The following RALGPS1 variants were observed in gnomAD, a reference collection of about 807,000 sequenced individuals.
The protein encoded by RALGPS1 is Ral GEF with PH domain and SH3 binding motif 1.
In RALGPS1, 19 loss-of-function variants were observed where a neutral mutation model predicts 78.8. That is an observed-to-expected ratio of 0.24 (90% confidence interval 0.17 to 0.35). The LOEUF is 0.35. RALGPS1 is among the 10% of genes least tolerant of loss of function. The pLI is 1.00. For synonymous variants in RALGPS1, 228 were observed against 256.3 expected (o/e 0.89, Z 1.06); for missense variants, 454 against 688.3 (o/e 0.66, Z 3.81).
chr9:127,164,300 A>G (rs1424317710), intron 8 of RALGPS1, among the ~76,000 whole-genome samples: 2 of 151,980 alleles, frequency 1.3e-5, no homozygotes, highest in South Asian at 4.2e-4. Flanking sequence ...CAGTGGCCCA[A>G]TCTCAGCTCA....
intron 4 of RALGPS1, among the ~76,000 whole-genome samples, chr9:126,999,916 G>C (rs955467229): frequency 3.3e-5 from 5 of 152,134 alleles, no homozygotes; most frequent in Non-Finnish European, 5.9e-5. Context: ...CAGTTTATCT[G>C]TTTCTTTTTT....
chr9:127,066,306 G>T (rs902752487), intron 7 of RALGPS1, among the ~76,000 whole-genome samples: 3 of 152,212 alleles, frequency 2.0e-5, no homozygotes. Flanking sequence ...AATAAAGAAT[G>T]ACCTCCTGAA....
intron 1 of RALGPS1, among the ~76,000 whole-genome samples, chr9:126,933,378 G>C (rs975816987): frequency 6.6e-6 from 1 of 152,088 alleles, no homozygotes; most frequent in Non-Finnish European, 1.5e-5. Flanking sequence ...TCGGGCAGGG[G>C]TTACTGAGTG....
intron 5 of RALGPS1, among the ~76,000 whole-genome samples, chr9:127,045,512 T>A (rs183404900): frequency 6.6e-6 from 1 of 152,092 alleles, no homozygotes; most frequent in East Asian, 1.9e-4. Context: ...TAGATGAATA[T>A]AAGAGAGTAT....
intron 4 of RALGPS1, among the ~76,000 whole-genome samples, chr9:126,993,833 C>T (rs1261443164): frequency 6.6e-6 from 1 of 152,144 alleles, no homozygotes; most frequent in African/African-American, 2.4e-5. Flanking sequence ...GACAAAACTT[C>T]CAGAGGAACG....
At chr9:127,203,594 G>A (rs2061765300) in intron 14 of RALGPS1, among the ~76,000 whole-genome samples, 1 of 152,086 alleles carries the variant, frequency 6.6e-6, no homozygotes. Flanking sequence ...GCAGGGTTGG[G>A]GGGCACAGTG....
At chr9:127,079,966 T>C (rs2051023617) in intron 8 of RALGPS1, 2 of 152,226 alleles carry the variant, frequency 1.3e-5, no homozygotes, top group Admixed American at 1.3e-4. Flanking sequence ...TGGGACAAAA[T>C]CAACTGTAAA....
chr9:127,058,034 T>C (rs1001333135), intron 7 of RALGPS1, among the ~76,000 whole-genome samples: 3 of 152,216 alleles, frequency 2.0e-5, no homozygotes, highest in Non-Finnish European at 4.4e-5. Context: ...ATTCAGGCCA[T>C]GTACTTTCAG....
At chr9:127,066,141 G>T (rs1389236865) in intron 7 of RALGPS1, among the ~76,000 whole-genome samples, 1 of 152,234 alleles carries the variant, frequency 6.6e-6, no homozygotes. Context: ...GCTGGGCATG[G>T]CAGGGAACAT....
chr9:127,075,841 C>G (rs2050627502), intron 8 of RALGPS1, among the ~76,000 whole-genome samples: 1 of 152,214 alleles, frequency 6.6e-6, no homozygotes, highest in Non-Finnish European at 1.5e-5. Context: ...GCTAACTGGT[C>G]TCCTGTGACT....
chr9:127,033,116 G>A (rs1425193757), intron 4 of RALGPS1, among the ~76,000 whole-genome samples: 1 of 152,194 alleles, frequency 6.6e-6, no homozygotes, highest in Admixed American at 6.5e-5. Context: ...TATTATTTGA[G>A]TCTAAGTTGT....
intron 7 of RALGPS1, among the ~76,000 whole-genome samples, chr9:127,054,666 G>A (rs894787770): frequency 7.9e-5 from 12 of 152,100 alleles, no homozygotes; most frequent in Admixed American, 2.6e-4. Flanking sequence ...CCTGTTGATG[G>A]TTCTTTGCTG....
chr9:127,194,089 A>G (rs764635499), intron 11 of RALGPS1, among the ~76,000 whole-genome samples: 29 of 152,220 alleles, frequency 1.9e-4, no homozygotes, highest in Non-Finnish European at 3.5e-4. Context: ...TGTTAGCCCC[A>G]TGACTGGGTT....
chr9:126,929,466 T>C (rs1054660519), intron 1 of RALGPS1, among the ~76,000 whole-genome samples: 4 of 152,184 alleles, frequency 2.6e-5, no homozygotes, highest in Non-Finnish European at 4.4e-5. Flanking sequence ...TTTTTTATTT[T>C]TTGAGACGGA....
At chr9:126,940,526 G>A (rs950777697) in intron 1 of RALGPS1, among the ~76,000 whole-genome samples, 20 of 148,482 alleles carry the variant, frequency 1.3e-4, no homozygotes, top group African/African-American at 4.0e-4. Context: ...TGCAAGCTCT[G>A]CCTCCCGGGT....
chr9:127,073,452 G>GTGTGTGTGTC (rs1564527310), intron 8 of RALGPS1, among the ~76,000 whole-genome samples: 2 of 140,668 alleles, frequency 1.4e-5, no homozygotes, highest in Non-Finnish European at 3.0e-5. Flanking sequence ...ACCATTGTGT[G>GTGTGTGTGTC]TGTGTGTGTG....
At chr9:127,095,930 C>G (rs1252010766) in intron 8 of RALGPS1, among the ~76,000 whole-genome samples, 3 of 152,194 alleles carry the variant, frequency 2.0e-5, no homozygotes, top group African/African-American at 7.2e-5. Context: ...TTCCCACTGC[C>G]CAGTATTGCC....
intron 4 of RALGPS1, among the ~76,000 whole-genome samples, chr9:127,024,847 C>G (rs548134437): frequency 2.4e-4 from 36 of 152,252 alleles, no homozygotes; most frequent in African/African-American, 7.5e-4. Flanking sequence ...CAGTCTTTTG[C>G]GCAGCTGTTT....
At position 127,194,143 on chromosome 9, in the gene RALGPS1, G is replaced by A. The variant is rs146525653; in HGVS notation, c.911-948G>A. ...ATTACCATAATAAATTAAGTATGAG[G>A]GCTAACTATGAAAGTCTGCGTACAT... On this transcript the variant is annotated intron_variant, in intron 11 of 18. Coordinates refer to ENST00000259351, the MANE Select transcript of RALGPS1 (RefSeq NM_014636.3). 1.1e-4 allele frequency among the ~76,000 whole-genome samples: 16 copies of A among 152,312 alleles called. No individual in the cohort carries two copies. The East Asian group carries it at 3.1e-3, about 29-fold the overall frequency.
Sources: allele counts gnomAD v4.1 joint callset (sites outside exome capture counted in the v4.1 genomes callset), GRCh38; gene constraint gnomAD v4.1.1; transcripts MANE v1.5; gene names NCBI Gene and HGNC (gene_info 2026-07-23, HGNC 2026-07-21).